Variants in ALK observed in about 807,000 individuals in gnomAD.
ALK encodes ALK tyrosine kinase receptor.
In ALK, 74 loss-of-function variants were observed where a neutral mutation model predicts 163.1. That is an observed-to-expected ratio of 0.45 (90% CI 0.38 to 0.55). The LOEUF (loss-of-function observed/expected upper bound fraction) is 0.55, where lower values mean the gene tolerates loss of function less well. Among genes scored for constraint, ALK ranks in the 20% least tolerant of loss-of-function variants. The pLI is 0.00. For synonymous variants in ALK, 960 were observed against 843.2 expected (o/e 1.14, Z -2.40); for missense variants, 2,063 against 2,105.3 (o/e 0.98, Z 0.39).
intron 3 of ALK, among the ~76,000 whole-genome samples, chr2:29,548,487 G>T (rs1673622340): frequency 6.7e-6 from 1 of 148,280 alleles, no homozygotes; most frequent in African/African-American, 2.4e-5. Flanking sequence ...AAAAAAAAAA[G>T]AGTTAAGTCA....
intron 5 of ALK, among the ~76,000 whole-genome samples, chr2:29,361,486 C>T (rs1042456331): frequency 2.6e-5 from 4 of 152,204 alleles, no homozygotes; most frequent in African/African-American, 9.7e-5. Context: ...GTAGGAAATG[C>T]ATTTGCTGGA....
At chr2:29,217,260 GGT>G (rs923668609) in intron 23 of ALK, among the ~76,000 whole-genome samples, 9 of 148,554 alleles carry the variant, frequency 6.1e-5, no homozygotes, top group African/African-American at 1.8e-4. Flanking sequence ...GTACGTGTGT[GGT>G]GTGTTTTTTG....
intron 3 of ALK, among the ~76,000 whole-genome samples, chr2:29,537,573 T>C (rs1458145144): frequency 6.6e-6 from 1 of 152,204 alleles, no homozygotes; most frequent in Non-Finnish European, 1.5e-5. Flanking sequence ...GCAAAGAAAC[T>C]CTACTAGGTC....
chr2:29,675,419 T>A (rs1463184202), intron 3 of ALK, among the ~76,000 whole-genome samples: 2 of 151,932 alleles, frequency 1.3e-5, no homozygotes, highest in African/African-American at 4.8e-5. Flanking sequence ...GAGTGACAAC[T>A]GTGAGATCCT....
intron 1 of ALK, among the ~76,000 whole-genome samples, chr2:29,818,768 G>A (rs184661479): frequency 6.6e-6 from 1 of 152,370 alleles, no homozygotes; most frequent in Non-Finnish European, 1.5e-5. Context: ...TGGATTGGGT[G>A]GGGCTGCAGA....
At chr2:29,603,082 T>A (rs1270838662) in intron 3 of ALK, among the ~76,000 whole-genome samples, 1 of 152,214 alleles carries the variant, frequency 6.6e-6, no homozygotes, top group Non-Finnish European at 1.5e-5. Flanking sequence ...TTATTTATTA[T>A]CCAAAGACTT....
At position 29,369,705 on chromosome 2, in the gene ALK, T is replaced by C. The variant is rs1573289461; in HGVS notation, c.1282+14027A>G. Among the ~76,000 whole-genome samples the C allele has an allele frequency of 2.0e-5, 3 of 152,170 alleles. 1 individual carries two copies. The highest frequency in any genetic ancestry group is 2.0e-4 in the Admixed American group (3 of 15,284). On this transcript the variant is annotated intron_variant, in intron 5 of 28. Coordinates refer to ENST00000389048, the MANE Select transcript of ALK (RefSeq NM_004304.5). ...TAATAGACAAGCAAAAAGACAAAGA[T>C]ATCCGGAGTGTGGAGAGGCACACAG...
chr2:29,226,890 C>A (rs1460240883), intron 18 of ALK, 32 bp downstream of exon 18: 3 of 1,613,230 alleles, frequency 1.9e-6, no homozygotes, highest in Non-Finnish European at 2.5e-6. Flanking sequence ...AGGCTATGGG[C>A]CCCTCTGCCT....
At chr2:29,687,237 CA>C (rs1340376406) in intron 3 of ALK, among the ~76,000 whole-genome samples, 1 of 151,896 alleles carries the variant, frequency 6.6e-6, no homozygotes, top group African/African-American at 2.4e-5. Flanking sequence ...GCCTGCTGCA[CA>C]CTTATTTTCC....
intron 6 of ALK, among the ~76,000 whole-genome samples, chr2:29,326,668 T>A (rs1210494869): frequency 6.6e-6 from 1 of 152,232 alleles, no homozygotes; most frequent in African/African-American, 2.4e-5. Context: ...TCTAAAAACA[T>A]ACAACTATTC....
At chr2:29,335,779 C>T (rs1420134832) in intron 5 of ALK, among the ~76,000 whole-genome samples, 2 of 152,138 alleles carry the variant, frequency 1.3e-5, no homozygotes, top group African/African-American at 4.8e-5. Context: ...GTGGCTTACA[C>T]CTGTAATCGC....
chr2:29,352,570 A>C (rs1329603710), intron 5 of ALK, among the ~76,000 whole-genome samples: 3 of 152,238 alleles, frequency 2.0e-5, no homozygotes, highest in Admixed American at 1.3e-4. Context: ...GGCAACATCC[A>C]ATTATCTGGG....
At chr2:29,649,304 G>T (rs187419409) in intron 3 of ALK, among the ~76,000 whole-genome samples, 3 of 151,500 alleles carry the variant, frequency 2.0e-5, no homozygotes. Context: ...CCTGCTCCCC[G>T]TATTGACTCT....
intron 3 of ALK, among the ~76,000 whole-genome samples, chr2:29,642,503 A>G (rs1489135597): frequency 1.6e-4 from 24 of 152,168 alleles, no homozygotes; most frequent in Admixed American, 1.6e-3. Flanking sequence ...AAGCACTAAA[A>G]TCTCCTGCAT....
chr2:29,815,297 C>A (rs373555482), intron 1 of ALK, among the ~76,000 whole-genome samples: 4 of 151,682 alleles, frequency 2.6e-5, no homozygotes, highest in African/African-American at 9.7e-5. Flanking sequence ...TAGCACAGTA[C>A]CTGGAAAGAT....
intron 3 of ALK, among the ~76,000 whole-genome samples, chr2:29,626,405 G>A (rs1357964617): frequency 6.6e-6 from 1 of 152,108 alleles, no homozygotes; most frequent in Non-Finnish European, 1.5e-5. Context: ...CCCTGCACAA[G>A]CTCTCTTGCC....
chr2:29,905,279 T>C (rs988287722), intron 1 of ALK, among the ~76,000 whole-genome samples: 3 of 152,244 alleles, frequency 2.0e-5, no homozygotes, highest in Admixed American at 2.0e-4. Flanking sequence ...TGCTTCTGAT[T>C]CACATAGGTC....
intron 3 of ALK, among the ~76,000 whole-genome samples, chr2:29,634,899 A>T (rs190653179): frequency 2.8e-4 from 42 of 152,322 alleles, no homozygotes; most frequent in Non-Finnish European, 5.3e-4. Flanking sequence ...TATATGATTA[A>T]TCAAAATACT....
rs1220052371 is a variant in ALK at position 29,228,959 on chromosome 2, C to G, written c.2740G>C (p.Gly914Arg). ...CCGAAACCCCCTCTTGTCTCCCACC[C>G]CCACTTCTTCATGGCCTGGGGGCAG... The part of the protein sequence containing the change: ...HSCPQAMKKW[G>R]WETRGGFGGG... The change falls in exon 16 of 29, where the codon GGG (glycine) becomes CGG (arginine). Residue 914 changes from glycine (G) to arginine (R), a missense_variant. Transcript: ENST00000389048. 6.2e-7 allele frequency: 1 copy of G among 1,601,826 alleles called. No homozygotes were observed. The highest frequency in any genetic ancestry group is 8.6e-7 in the Non-Finnish European group (1 of 1,169,430).
Sources: gnomAD v4.1 joint callset for allele counts (sites outside exome capture counted in the v4.1 genomes callset) on GRCh38, gnomAD v4.1.1 for gene constraint, MANE v1.5 for transcripts, NCBI Gene and HGNC (gene_info 2026-07-23, HGNC 2026-07-21) for gene names.